ANKRD17: variants seen among roughly 807,000 people sequenced by gnomAD.
ANKRD17 encodes the protein ankyrin repeat domain 17.
Under a neutral mutation model 229.7 loss-of-function variants are expected in ANKRD17, and 19 were observed. The observed-to-expected ratio is 0.08, with a 90% CI of 0.06 to 0.12. The LOEUF (loss-of-function observed/expected upper bound fraction) is 0.12, where lower values mean the gene tolerates loss of function less well. ANKRD17 is among the 10% of genes least tolerant of loss of function. The pLI, the probability that ANKRD17 is intolerant of heterozygous loss-of-function variation, is 1.00. For synonymous variants in ANKRD17, 1,112 were observed against 1,146.1 expected, an observed-to-expected ratio of 0.97 and a Z score of 0.60; for missense variants, 2,176 against 3,176.8, an observed-to-expected ratio of 0.68 and a Z score of 7.57.
In ANKRD17 at chr4:73,170,903, G is replaced by T. The variant is rs1360615583; in HGVS notation, c.547+6477C>A. ...TCTAAGGTTTTTGACCTCAGTTCCT[G>T]GCTCCCAGATGGCATCTATGAATCA... is the stretch of plus-strand genomic sequence containing the variant. On this transcript the variant is annotated intron_variant, in intron 2 of 33. Coordinates refer to ENST00000358602, the MANE Select transcript of ANKRD17 (RefSeq NM_032217.5). 2.6e-5 allele frequency among the ~76,000 whole-genome samples: 4 copies of T among 152,254 alleles called. No individual in the cohort carries two copies. In the East Asian group the frequency reaches 7.7e-4, roughly 29 times the overall value.
intron 13 of ANKRD17, 26 bp from the exon 14 acceptor site, chr4:73,141,869 A>G: frequency 6.6e-7 from 1 of 1,517,282 alleles, no homozygotes; most frequent in Non-Finnish European, 9.1e-7. Flanking sequence ...CTAAGTGACT[A>G]TTAGTGTCCT....
intron 29 of ANKRD17, among the ~76,000 whole-genome samples, chr4:73,086,403 T>A (rs1158040428): frequency 6.6e-6 from 1 of 152,106 alleles, no homozygotes; most frequent in Non-Finnish European, 1.5e-5. Flanking sequence ...TTTTTAGGGA[T>A]AAAGATAAAA....
intron 24 of ANKRD17, among the ~76,000 whole-genome samples, chr4:73,110,313 G>A (rs1362869184): frequency 1.3e-5 from 2 of 152,124 alleles, no homozygotes; most frequent in East Asian, 3.8e-4. Flanking sequence ...TACTTAATAA[G>A]TATTAAAAAA....
intron 1 of ANKRD17, among the ~76,000 whole-genome samples, chr4:73,223,840 G>A (rs1742166815): frequency 6.6e-6 from 1 of 152,092 alleles, no homozygotes; most frequent in Admixed American, 6.6e-5. Context: ...GTGAGTGAGT[G>A]ACAGTGGAGC....
intron 29 of ANKRD17, among the ~76,000 whole-genome samples, chr4:73,088,202 AAAGG>A (rs1722401928): frequency 6.6e-6 from 1 of 152,226 alleles, no homozygotes; most frequent in African/African-American, 2.4e-5. Context: ...AAAGTTAAAC[AAAGG>A]AAGAAAAATA....
rs1723596122 is a variant in ANKRD17, at chr4:73,098,764, G to A, written c.4574-244C>T. On this transcript the variant is annotated intron_variant, in intron 25 of 33. Coordinates refer to ENST00000358602, the MANE Select transcript of ANKRD17 (RefSeq NM_032217.5). ...TGGGGGGCATTTCTGGTGCTGGCGT[G>A]GCTCCAGGAAGGCCATTCCAGCCAT... 8.2e-6 allele frequency: 9 copies of A among 1,099,998 alleles called. No homozygotes were observed. The South Asian group carries it at 1.1e-4, about 13-fold the overall frequency. The allele number at this position is 1,099,998 out of a possible 1,614,324, so 68.1% of individuals were successfully genotyped here.
At chr4:73,080,060 C>T (rs911810644) in intron 30 of ANKRD17, among the ~76,000 whole-genome samples, 7 of 152,076 alleles carry the variant, frequency 4.6e-5, no homozygotes, top group African/African-American at 7.2e-5. Flanking sequence ...GAGCCGAGAT[C>T]GTGTCACTGC....
At chr4:73,226,430 T>C (rs1742518541) in intron 1 of ANKRD17, among the ~76,000 whole-genome samples, 1 of 121,948 alleles carries the variant, frequency 8.2e-6, no homozygotes, top group South Asian at 2.8e-4. Flanking sequence ...AGTCTCGCAC[T>C]GTCGCCTGGG....
At position 73,073,979 on chromosome 4, in the gene ANKRD17, T is replaced by C. The variant is rs974259676; in HGVS notation, c.*2252A>G. 2.0e-5 allele frequency: 3 copies of C among 152,020 alleles called. No individual in the cohort carries two copies. The highest frequency in any genetic ancestry group is 7.2e-5 in the African/African-American group (3 of 41,446). 9.4% of individuals were successfully genotyped at this position (152,020 alleles called of 1,614,324 possible). A position where few individuals can be genotyped will look rare whatever the true frequency, so the allele number is the denominator to read the frequency against. ...AAAAGACCTTCATGGTCTCAAAAAG[T>C]TATGGGTTTTTTTATTGTTCAAATA... On this transcript the variant is annotated 3_prime_UTR_variant, in exon 34 of 34. Transcript: ENST00000358602.
chr4:73,149,811 G>T (rs1334535801), intron 7 of ANKRD17, among the ~76,000 whole-genome samples: 1 of 152,140 alleles, frequency 6.6e-6, no homozygotes, highest in Non-Finnish European at 1.5e-5. Context: ...GCTATAGTGA[G>T]CTATGATCAT....
chr4:73,103,156 G>A (rs921053994), intron 24 of ANKRD17, among the ~76,000 whole-genome samples: 13 of 151,664 alleles, frequency 8.6e-5, no homozygotes, highest in East Asian at 1.9e-4. Context: ...GATAGGCACC[G>A]TAAGTATTAT....
At chr4:73,079,822 G>A (rs1235013813) in intron 30 of ANKRD17, among the ~76,000 whole-genome samples, 4 of 152,112 alleles carry the variant, frequency 2.6e-5, no homozygotes, top group Admixed American at 1.3e-4. Flanking sequence ...TATGTGAAAA[G>A]CTTAAATATT....
chr4:73,258,137 G>A, intron 1 of ANKRD17, 139 bp downstream of exon 1: 2 of 1,462,296 alleles, frequency 1.4e-6, no homozygotes, highest in Non-Finnish European at 1.8e-6. Flanking sequence ...TAGGCCGAGG[G>A]AAGAAAGGGG....
At chr4:73,129,514 C>G (rs1313822276) in intron 16 of ANKRD17, among the ~76,000 whole-genome samples, 2 of 151,998 alleles carry the variant, frequency 1.3e-5, no homozygotes, top group African/African-American at 4.8e-5. Context: ...TCACTTGAGG[C>G]CAGAAGTTTG....
intron 19 of ANKRD17, among the ~76,000 whole-genome samples, chr4:73,121,349 T>C (rs1726693494): frequency 6.6e-6 from 1 of 152,186 alleles, no homozygotes; most frequent in East Asian, 1.9e-4. Context: ...GGATAAACTT[T>C]CAATCTTAAA....
chr4:73,146,253 T>C (rs1730270401), intron 10 of ANKRD17, among the ~76,000 whole-genome samples: 1 of 152,184 alleles, frequency 6.6e-6, no homozygotes, highest in African/African-American at 2.4e-5. Context: ...TTCTTTACTC[T>C]GCATTTTCAC....
chr4:73,100,470 CAT>C (rs529331663), intron 25 of ANKRD17, among the ~76,000 whole-genome samples: 5 of 149,054 alleles, frequency 3.4e-5, no homozygotes, highest in Admixed American at 6.7e-5. Flanking sequence ...AAAAAAAAAA[CAT>C]ATATATATAT....
At chr4:73,112,326 CA>C (rs1725419886) in intron 24 of ANKRD17, among the ~76,000 whole-genome samples, 1 of 152,136 alleles carries the variant, frequency 6.6e-6, no homozygotes, top group Non-Finnish European at 1.5e-5. Context: ...TTTAAAGAAT[CA>C]AATATATATT....
rs1328313427 is a variant in ANKRD17, at chr4:73,074,824, T to G, written c.*1407A>C. On this transcript the variant is annotated 3_prime_UTR_variant, in exon 34 of 34. Transcript: ENST00000358602. ...TTTTTATGCTTACTTTCTTTTACAT[T>G]TCAACCATATAATTAATTTTTCCAT... 6.6e-6 allele frequency: 1 copy of G among 152,460 alleles called. No homozygotes were observed. 9.4% of individuals were successfully genotyped at this position (152,460 alleles called of 1,614,324 possible). A position where few individuals can be genotyped will look rare whatever the true frequency, so the allele number is the denominator to read the frequency against.
Sources: allele counts gnomAD v4.1 joint callset (sites outside exome capture counted in the v4.1 genomes callset), GRCh38; gene constraint gnomAD v4.1.1; transcripts MANE v1.5; gene names NCBI Gene and HGNC (gene_info 2026-07-23, HGNC 2026-07-21).